FRMPD4: variants seen among roughly 807,000 people sequenced by gnomAD.
FRMPD4 encodes FERM and PDZ domain containing 4.
FRMPD4 carries 22 observed loss-of-function variants against 94.1 expected under a neutral mutation model. The ratio of observed to expected loss-of-function variants is 0.23; its 90% confidence interval spans 0.17 to 0.33. FRMPD4 has a LOEUF of 0.33. Ranked by LOEUF, FRMPD4 falls within the 10% of genes least tolerant of loss-of-function variation. The pLI is 1.00. For missense variants in FRMPD4, 1,111 were observed against 1,339.9 expected (o/e 0.83, Z 2.67); for synonymous variants, 631 against 548.6 (o/e 1.15, Z -2.10).
At chrX:12,019,418 T>C (rs1445223929) in intron 3 of FRMPD4, among the ~76,000 whole-genome samples, 1 of 109,951 alleles carries the variant, frequency 9.1e-6, no homozygotes, top group East Asian at 2.8e-4. Flanking sequence ...TCCCTCTCTC[T>C]CCTCTCTTCA....
chrX:11,850,083 C>T (rs1204819357), intron 1 of FRMPD4, among the ~76,000 whole-genome samples: 1 of 111,765 alleles, frequency 8.9e-6, no homozygotes, highest in Non-Finnish European at 1.9e-5. Flanking sequence ...AGCTCAACAA[C>T]AAACCAAATA....
chrX:12,476,028 A>G (rs1439827908), intron 1 of FRMPD4, among the ~76,000 whole-genome samples: 6 of 112,073 alleles, frequency 5.4e-5, no homozygotes, highest in African/African-American at 1.6e-4. Flanking sequence ...CCAAAAGAAC[A>G]AAGCTGGAGG....
intron 3 of FRMPD4, among the ~76,000 whole-genome samples, chrX:12,086,853 C>G (rs1238166928): frequency 8.9e-6 from 1 of 111,785 alleles, no homozygotes; most frequent in African/African-American, 3.3e-5. Flanking sequence ...GGCTGTGTTC[C>G]TTTCCTGGGG....
At chrX:12,216,054 TAC>T (rs1231385179) in intron 1 of FRMPD4, among the ~76,000 whole-genome samples, 1 of 112,549 alleles carries the variant, frequency 8.9e-6, no homozygotes, top group Non-Finnish European at 1.9e-5. Flanking sequence ...TGGCCTAGAA[TAC>T]AGTTTCTGTG....
Position 12,718,479 on chromosome X carries a change from T to C in FRMPD4, c.3653T>C (p.Val1218Ala). The C allele has an allele frequency of 8.3e-7, 1 of 1,205,690 alleles. No homozygotes were observed. Among genetic ancestry groups the C allele is most frequent in the Non-Finnish European group, 1.1e-6 (1 of 890,091 alleles). Residue 1218 changes from valine (V) to alanine (A), a missense_variant, in exon 16 of 17, where the codon GTG becomes GCG. This residue lies in a region of FRMPD4 where 551 missense variants were observed against 591.6 expected (regional missense o/e 0.93). Coordinates refer to ENST00000675598, the MANE Select transcript of FRMPD4 (RefSeq NM_001368397.1). Reference sequence around the variant, plus strand: ...CTGCAGAGCTCCCAAGGCTCTTCAGTGGATGCAGGCTGTGGCACAGGCAGC... The same window carrying C: ...CTGCAGAGCTCCCAAGGCTCTTCAGCGGATGCAGGCTGTGGCACAGGCAGC... ...FSLQSSQGSS[V>A]DAGCGTGSSG...
chrX:12,022,721 A>G (rs1358008834), intron 3 of FRMPD4, among the ~76,000 whole-genome samples: 1 of 111,535 alleles, frequency 9.0e-6, no homozygotes. Context: ...GGAACCAACA[A>G]TGTATTTCTT....
chrX:12,034,655 G>T (rs1038829207), intron 3 of FRMPD4, among the ~76,000 whole-genome samples: 1 of 111,588 alleles, frequency 9.0e-6, no homozygotes, highest in South Asian at 3.8e-4. Flanking sequence ...AGTCTTTTCG[G>T]TTTTTTTTAC....
intron 2 of FRMPD4, among the ~76,000 whole-genome samples, chrX:12,521,560 A>G (rs760534653): frequency 4.6e-4 from 52 of 112,712 alleles, no homozygotes; most frequent in Non-Finnish European, 2.2e-4. Flanking sequence ...TACGATTTAT[A>G]GAGTTAGGTT....
At chrX:12,400,773 T>C (rs1224148271) in intron 1 of FRMPD4, among the ~76,000 whole-genome samples, 1 of 112,182 alleles carries the variant, frequency 8.9e-6, no homozygotes, top group African/African-American at 3.2e-5. Context: ...TTCTGTTTGA[T>C]AGTTTAAGGT....
chrX:12,660,275 G>T (rs2059700972), intron 4 of FRMPD4, among the ~76,000 whole-genome samples: 1 of 111,987 alleles, frequency 8.9e-6, no homozygotes, highest in African/African-American at 3.2e-5. Context: ...ATATTTACTT[G>T]ACAATGCCAT....
At chrX:12,372,986 C>T (rs2056183351) in intron 1 of FRMPD4, among the ~76,000 whole-genome samples, 1 of 111,917 alleles carries the variant, frequency 8.9e-6, no homozygotes. Flanking sequence ...ACAATGGAGC[C>T]GAGAAGTCCT....
chrX:12,072,536 C>T (rs1474610179), intron 3 of FRMPD4, among the ~76,000 whole-genome samples: 1 of 111,848 alleles, frequency 8.9e-6, no homozygotes, highest in African/African-American at 3.3e-5. Context: ...TAGCATCCAA[C>T]ATTTCAGAGT....
At chrX:12,644,507 G>C (rs1162661774) in intron 4 of FRMPD4, among the ~76,000 whole-genome samples, 1 of 111,377 alleles carries the variant, frequency 9.0e-6, no homozygotes, top group Non-Finnish European at 1.9e-5. Flanking sequence ...TGAAAATGAG[G>C]AGATTCTAGA....
chrX:12,090,670 T>C (rs1235119289), intron 3 of FRMPD4, among the ~76,000 whole-genome samples: 1 of 111,529 alleles, frequency 9.0e-6, no homozygotes, highest in Non-Finnish European at 1.9e-5. Flanking sequence ...CCTTCCTTTA[T>C]AAGAGTTTAA....
intron 9 of FRMPD4, 101 bp downstream of exon 9, chrX:12,694,555 C>A: frequency 1.7e-6 from 1 of 588,291 alleles, no homozygotes; most frequent in African/African-American, 2.2e-5. Flanking sequence ...CTTTTTTGTC[C>A]CCCACCTCAA....
intron 8 of FRMPD4, among the ~76,000 whole-genome samples, chrX:12,693,647 C>T (rs1055314991): frequency 1.8e-5 from 2 of 112,116 alleles, no homozygotes; most frequent in Non-Finnish European, 3.8e-5. Flanking sequence ...AAGGTTGACA[C>T]TATCATGTTT....
intron 1 of FRMPD4, among the ~76,000 whole-genome samples, chrX:12,259,984 T>G (rs2054168012): frequency 8.9e-6 from 1 of 112,115 alleles, no homozygotes; most frequent in African/African-American, 3.2e-5. Flanking sequence ...AGTTGACATT[T>G]TCCTGGCAGC....
intron 1 of FRMPD4, among the ~76,000 whole-genome samples, chrX:12,430,907 C>G (rs1212247092): frequency 8.9e-6 from 1 of 112,493 alleles, no homozygotes; most frequent in Non-Finnish European, 1.9e-5. Context: ...GCATCTGACT[C>G]TGGCTGCTAG....
At chrX:12,434,195 A>G (rs767547919) in intron 1 of FRMPD4, among the ~76,000 whole-genome samples, 48 of 112,428 alleles carry the variant, frequency 4.3e-4, no homozygotes, top group African/African-American at 1.5e-3. Flanking sequence ...AATGTTTTAA[A>G]GATCCTGTGA....
Sources: gnomAD v4.1 joint callset for allele counts (sites outside exome capture counted in the v4.1 genomes callset) on GRCh38, gnomAD v4.1.1 for gene constraint, gnomAD v4.1.1 regional missense constraint, MANE v1.5 for transcripts, NCBI Gene and HGNC (gene_info 2026-07-23, HGNC 2026-07-21) for gene names.